Variants in PI16 observed in about 807,000 individuals in gnomAD.
The protein encoded by PI16 is PSP94-binding protein.
In PI16, 35 loss-of-function variants were observed where a neutral mutation model predicts 38.0. The observed-to-expected ratio is 0.92, with a 90% CI of 0.70 to 1.22. The LOEUF is 1.22. PI16 is among the 50% of genes most tolerant of loss of function. The probability of loss-of-function intolerance (pLI) is 0.00; values close to 1 mark genes in which losing one functional copy is unlikely to be tolerated. For missense variants in PI16, 572 were observed against 593.8 expected, an observed-to-expected ratio of 0.96 and a Z score of 0.38; for synonymous variants, 275 against 252.9, an observed-to-expected ratio of 1.09 and a Z score of -0.83.
intron 3 of PI16, 75 bp downstream of exon 3, chr6:36,961,635 C>T (rs1746635486): frequency 1.4e-6 from 2 of 1,390,182 alleles, no homozygotes; most frequent in Non-Finnish European, 2.0e-6. Context: ...CAGAGTCGGC[C>T]ACAGCCTGAG....
rs1420569805 is a variant in PI16 at position 36,959,205 on chromosome 6, CACA to C, written c.237_239del (p.Asn79del). On this transcript the variant is annotated inframe_deletion, in exon 2 of 7. Coordinates refer to ENST00000373674, the MANE Select transcript of PI16 (RefSeq NM_153370.3). ...CTACGCACGGCAGTGCGTGTGGGGCCACAACAAGGAGCGCGGGCGCCGCGGCGA... is the reference window on the plus strand; with the variant it reads ...CTACGCACGGCAGTGCGTGTGGGGCCACAAGGAGCGCGGGCGCCGCGGCGA... The C allele has an allele frequency of 6.8e-6, 11 of 1,611,422 alleles. No individual in the cohort carries two copies. Among genetic ancestry groups the C allele is most frequent in the Non-Finnish European group, 5.1e-6 (6 of 1,179,412 alleles).
At position 36,963,207 on chromosome 6, in the gene PI16, C is replaced by T. The variant is rs769926977; in HGVS notation, c.865C>T (p.Pro289Ser). The stretch of plus-strand genomic sequence containing the variant: ...TCCACCTTGCGTAACAACTGAGGTC[C>T]CTTCCATTTTGGCAGCTCACAGCCT... ...EAPPCVTTEV[P>S]SILAAHSLPS... Residue 289 changes from proline to serine, a missense_variant, in exon 5 of 7, where the codon CCT becomes TCT. Physicochemically the swap from Pro to Ser is moderately conservative, Grantham distance 74. Coordinates refer to ENST00000373674, the MANE Select transcript of PI16 (RefSeq NM_153370.3). 3.7e-6 allele frequency: 6 copies of T among 1,614,248 alleles called. No homozygotes were observed. In the South Asian group the frequency reaches 5.5e-5, roughly 15 times the overall value.
chr6:36,961,284 C>T (rs1455773482), intron 2 of PI16, among the ~76,000 whole-genome samples, 167 bp from the exon 3 acceptor site: 1 of 152,182 alleles, frequency 6.6e-6, no homozygotes, highest in Non-Finnish European at 1.5e-5. Context: ...CCCATCCCTC[C>T]CCCTGGTTAG....
chr6:36,949,173 G>A (rs1177832275), intron 1 of PI16, among the ~76,000 whole-genome samples: 1 of 151,640 alleles, frequency 6.6e-6, no homozygotes, highest in Non-Finnish European at 1.5e-5. Context: ...CTGTCGCCCA[G>A]GCTGGAATGC....
Position 36,963,249 on chromosome 6 carries a change from G to C in PI16, c.907G>C (p.Glu303Gln), listed in dbSNP as rs765837425. The C allele has an allele frequency of 6.2e-7, 1 of 1,614,170 alleles. No homozygotes were observed. Among genetic ancestry groups the C allele is most frequent in the Non-Finnish European group, 8.5e-7 (1 of 1,180,026 alleles). The change falls in exon 5 of 7, where the codon GAG becomes CAG. Residue 303 changes from glutamate (E) to glutamine (Q), a missense_variant. Transcript: ENST00000373674. Reference protein sequence around the residue: ...AAHSLPSLDEEPVTFPKSTHV... With the variant: ...AAHSLPSLDEQPVTFPKSTHV... The stretch of plus-strand genomic sequence containing the variant: ...TCACAGCCTGCCCTCCTTGGATGAG[G>C]AGCCAGTTACCTTCCCCAAATCGAC...
At chr6:36,964,107 C>A in intron 6 of PI16, 145 bp downstream of exon 6, 1 of 1,029,706 alleles carries the variant, frequency 9.7e-7, no homozygotes, top group Non-Finnish European at 1.4e-6. Context: ...TCCAGGCCAG[C>A]ACTCTTGTCC....
rs1049773721 is a variant in PI16 at position 36,963,120 on chromosome 6, G to A, written c.778G>A (p.Val260Met). The A allele has an allele frequency of 2.5e-6, 4 of 1,614,102 alleles. No homozygotes were observed. The highest frequency in any genetic ancestry group is 3.4e-6 in the Non-Finnish European group (4 of 1,180,044). The change falls in exon 5 of 7, where the codon GTG (valine) becomes ATG (methionine). Residue 260 changes from valine (V) to methionine (M), a missense_variant. Coordinates refer to ENST00000373674, the MANE Select transcript of PI16 (RefSeq NM_153370.3). ...CCTGGCAACCAAGGCTCTGCCTGCT[G>A]TGGAAACCCAGGCCCCAACTTCCTT... ...GSLATKALPAVETQAPTSLAT... is the reference protein window; with the variant it reads ...GSLATKALPAMETQAPTSLAT...
rs1225235314 is a variant in PI16, at chr6:36,954,914, T to C, written c.154T>C (p.Ser52Pro). ...LYRAQVSPTA[S>P]DMLHMRWDEE... is the part of the protein sequence containing the mutation. The stretch of plus-strand genomic sequence containing the variant: ...CCGGGCCCAGGTATCCCCGACGGCC[T>C]CAGACATGCTGCACATGGTAAGTGT... The change falls in exon 1 of 7, where the codon TCA (serine) becomes CCA (proline). Residue 52 changes from serine (S) to proline (P), a missense_variant. By Grantham distance (74) the Ser-to-Pro change is moderately conservative (BLOSUM62 -1). Coordinates refer to ENST00000373674, the MANE Select transcript of PI16 (RefSeq NM_153370.3). 1 of 1,613,142 alleles carries C rather than the reference T, an allele frequency of 6.2e-7. No individual in the cohort carries two copies. Among genetic ancestry groups the C allele is most frequent in the Non-Finnish European group, 8.5e-7 (1 of 1,179,940 alleles).
chr6:36,963,714 A>C (rs1012174240), intron 5 of PI16, 102 bp downstream of exon 5: 32 of 1,538,622 alleles, frequency 2.1e-5, no homozygotes, highest in Non-Finnish European at 2.8e-5. Context: ...GCACCCTCTG[A>C]GTAGGAGCTT....
chr6:36,948,818 A>G (rs1205362267), intron 1 of PI16, among the ~76,000 whole-genome samples: 1 of 146,546 alleles, frequency 6.8e-6, no homozygotes, highest in Non-Finnish European at 1.5e-5. Flanking sequence ...TTTTTGAAAC[A>G]GAGTCTCACT....
chr6:36,956,560 G>A (rs1289917494), intron 1 of PI16, among the ~76,000 whole-genome samples: 1 of 152,236 alleles, frequency 6.6e-6, no homozygotes, highest in African/African-American at 2.4e-5. Flanking sequence ...ACAAGACTCA[G>A]GTTCAACCTC....
Position 36,954,887 on chromosome 6 carries a change from T to C in PI16, c.127T>C (p.Tyr43His), listed in dbSNP as rs768386245. 7 of 1,613,772 alleles carry C rather than the reference T, an allele frequency of 4.3e-6. No homozygotes were observed. Among genetic ancestry groups the C allele is most frequent in the Non-Finnish European group, 5.9e-6 (7 of 1,180,038 alleles). ...KRLMVELHNLYRAQVSPTASD... is the reference protein window; with the variant it reads ...KRLMVELHNLHRAQVSPTASD... The stretch of plus-strand genomic sequence containing the variant: ...TTTGATGGTGGAGCTGCACAACCTC[T>C]ACCGGGCCCAGGTATCCCCGACGGC... Residue 43 changes from tyrosine (Y) to histidine (H), a missense_variant, in exon 1 of 7, where the codon TAC becomes CAC. Transcript: ENST00000373674.
Position 36,963,489 on chromosome 6 carries a change from C to T in PI16, c.1147C>T (p.Leu383=), listed in dbSNP as rs770566218. The change falls in exon 5 of 7, where the codon CTG becomes TTG. Residue 383 remains leucine (L), a synonymous_variant. Coordinates refer to ENST00000373674, the MANE Select transcript of PI16 (RefSeq NM_153370.3). Reference sequence around the variant, plus strand: ...TCCAGCCCAGGACAAGCCAGGTGAGCTGCAGGCCACACTGGACCACACGGG... The same window carrying T: ...TCCAGCCCAGGACAAGCCAGGTGAGTTGCAGGCCACACTGGACCACACGGG... ...VFPAQDKPGE[L]QATLDHTGHT... 2.5e-6 allele frequency: 4 copies of T among 1,614,070 alleles called. No homozygotes were observed. The highest frequency in any genetic ancestry group is 8.5e-7 in the Non-Finnish European group (1 of 1,180,050).
chr6:36,950,802 C>CA (rs1219899045), upstream of PI16, among the ~76,000 whole-genome samples: 2 of 152,196 alleles, frequency 1.3e-5, no homozygotes, highest in Non-Finnish European at 2.9e-5. The surrounding 1 kb of genome is among the most constrained non-coding windows in gnomAD (Gnocchi z 4.2). Flanking sequence ...CTCGGCCTCC[C>CA]AAAATGCTGT....
At position 36,954,853 on chromosome 6, in the gene PI16, G is replaced by A; in HGVS notation, c.93G>A (p.Glu31=). The part of the protein sequence containing the change: ...TTGPVGALTD[E]EKRLMVELHN... ...GCCCCGTTGGAGCCCTCACAGATGA[G>A]GAGAAACGTTTGATGGTGGAGCTGC... is the stretch of plus-strand genomic sequence containing the variant. Residue 31 remains glutamate (E), a synonymous_variant, in exon 1 of 7, where the codon GAG becomes GAA. Coordinates refer to ENST00000373674, the MANE Select transcript of PI16 (RefSeq NM_153370.3). The A allele has an allele frequency of 6.2e-7, 1 of 1,614,058 alleles. No homozygotes were observed. The highest frequency in any genetic ancestry group is 8.5e-7 in the Non-Finnish European group (1 of 1,180,026).
rs138521374 is a variant in PI16, at chr6:36,962,857, G to T, written c.593-78G>T. 6 of 1,264,496 alleles carry T rather than the reference G, an allele frequency of 4.7e-6. No homozygotes were observed. The highest frequency in any genetic ancestry group is 1.5e-5 in the African/African-American group (1 of 66,704). 78.3% of individuals were successfully genotyped at this position (1,264,496 alleles called of 1,614,324 possible). A position where few individuals can be genotyped will look rare whatever the true frequency, so the allele number is the denominator to read the frequency against. On this transcript the variant is annotated intron_variant, in intron 4 of 6. Transcript: ENST00000373674. This position sits in a 1 kb window ranked among gnomAD's most constrained non-coding sequence, Gnocchi z 4.1. Reference sequence around the variant, plus strand: ...GTGTCCTGGTAGGACATTTGGTCGCGTCACTTGGTTTGCAGTGCCATGAGA... The same window carrying T: ...GTGTCCTGGTAGGACATTTGGTCGCTTCACTTGGTTTGCAGTGCCATGAGA...
In PI16 at chr6:36,962,953, A is replaced by AG. The variant is rs1763412720; in HGVS notation, c.611_612insG (p.Asp205ArgfsTer11). 1.2e-6 allele frequency: 2 copies of AG among 1,613,160 alleles called. No individual in the cohort carries two copies. The highest frequency in any genetic ancestry group is 2.2e-5 in the South Asian group (2 of 91,068). On this transcript the variant is annotated frameshift_variant, in exon 5 of 7. Transcript: ENST00000373674. LOFTEE classifies it high-confidence loss of function. This position sits in a 1 kb window ranked among gnomAD's most constrained non-coding sequence, Gnocchi z 4.1. ...TTATCAGAACCCATCGGAAGCCCGG[A>AG]AGATGCTCAGGATTTGCCTTACCTG...
rs906588424 is a variant in PI16, at chr6:36,962,546, C to G, written c.593-389C>G. Among the ~76,000 whole-genome samples the G allele has an allele frequency of 7.9e-5, 12 of 152,214 alleles. No individual in the cohort carries two copies. The highest frequency in any genetic ancestry group is 1.5e-4 in the Non-Finnish European group (10 of 67,996). The stretch of plus-strand genomic sequence containing the variant: ...AGAGTGCAATGGCTCGATCTCGGCT[C>G]ACCTGCAACCTCCGCCTCCCGGTTT... On this transcript the variant is annotated intron_variant, in intron 4 of 6. Transcript: ENST00000373674. The surrounding 1 kb of genome is among the most constrained non-coding windows in gnomAD (Gnocchi z 4.1).
upstream of PI16, among the ~76,000 whole-genome samples, chr6:36,952,057 G>C (rs2150732799): frequency 6.7e-6 from 1 of 150,222 alleles, no homozygotes; most frequent in East Asian, 2.0e-4. Flanking sequence ...GCGGTGACTG[G>C]ATCTTGACTC....
Sources: allele counts gnomAD v4.1 joint callset (sites outside exome capture counted in the v4.1 genomes callset), GRCh38; gene constraint gnomAD v4.1.1; non-coding constraint Gnocchi (gnomAD v3.1); transcripts MANE v1.5; gene names NCBI Gene and HGNC (gene_info 2026-07-23, HGNC 2026-07-21).